The following WDR7 variants were observed in gnomAD, a reference collection of about 807,000 sequenced individuals.
The protein encoded by WDR7 is WD repeat domain 7, also known as WD repeat-containing protein 7.
WDR7 carries 46 observed loss-of-function variants against 169.4 expected under a neutral mutation model. The ratio of observed to expected loss-of-function variants is 0.27; its 90% CI spans 0.21 to 0.35. WDR7 has a LOEUF of 0.35. Ranked by LOEUF, WDR7 falls within the 10% of genes least tolerant of loss-of-function variation. The pLI is 1.00. For synonymous variants in WDR7, 612 were observed against 666.8 expected (o/e 0.92, Z 1.27); for missense variants, 1,534 against 1,859.3 (o/e 0.83, Z 3.22).
At chr18:56,691,416 T>C (rs2025567960) in intron 8 of WDR7, 55 bp downstream of exon 8, 1 of 1,515,512 alleles carries the variant, frequency 6.6e-7, no homozygotes, top group East Asian at 2.5e-5. Flanking sequence ...ATTCAGAATT[T>C]AGGGTACAAC....
chr18:56,714,444 C>CTTTTT (rs1192341254), intron 12 of WDR7, among the ~76,000 whole-genome samples: 1 of 130,280 alleles, frequency 7.7e-6, no homozygotes, highest in African/African-American at 2.9e-5. Context: ...TTGGACGAAA[C>CTTTTT]TTTTTTTTTT....
chr18:56,655,029 A>G (rs1281662381), intron 1 of WDR7, among the ~76,000 whole-genome samples: 1 of 152,054 alleles, frequency 6.6e-6, no homozygotes, highest in Non-Finnish European at 1.5e-5. Flanking sequence ...TTTTAACTCT[A>G]TGGTTTTGTA....
chr18:57,036,519 C>T, the WDR7 span: 1 of 152,444 alleles, frequency 6.6e-6, no homozygotes, highest in Non-Finnish European at 1.5e-5. Context: ...AACCACATCA[C>T]AGTCCAGCTC....
intron 26 of WDR7, among the ~76,000 whole-genome samples, chr18:56,965,321 C>T (rs549211427): frequency 6.6e-6 from 1 of 152,032 alleles, no homozygotes; most frequent in Non-Finnish European, 1.5e-5. Context: ...ATCAGAGAAC[C>T]CATGACTGAG....
Position 56,708,536 on chromosome 18 carries a change from T to C in WDR7, c.1579-9428T>C, listed in dbSNP as rs572690247. On this transcript the variant is annotated intron_variant, in intron 12 of 27. Coordinates refer to ENST00000254442, the MANE Select transcript of WDR7 (RefSeq NM_015285.3). ...TCTTTTTTCAGAAGGTCTAACTCCC[T>C]GAATGTGTGCAGCCCAAGGTTTGTG... 2.6e-5 allele frequency among the ~76,000 whole-genome samples: 4 copies of C among 152,280 alleles called. No homozygotes were observed. In the South Asian group the frequency reaches 8.3e-4, roughly 32 times the overall value.
In WDR7 at chr18:56,957,874, A is replaced by C. The variant is rs529343323; in HGVS notation, c.4065-4556A>C. ...AGGAAGTGATATACAGCAGTAACTT[A>C]ACATCCTGAGATCATTGCAAATTGC... On this transcript the variant is annotated intron_variant, in intron 25 of 27. Coordinates refer to ENST00000254442, the MANE Select transcript of WDR7 (RefSeq NM_015285.3). 2.0e-5 allele frequency among the ~76,000 whole-genome samples: 3 copies of C among 152,302 alleles called. No individual in the cohort carries two copies. In the East Asian group the frequency reaches 5.8e-4, roughly 29 times the overall value.
chr18:56,776,717 C>CT (rs1568188499), intron 16 of WDR7, 65 bp from the exon 17 acceptor site: 1 of 1,437,348 alleles, frequency 7.0e-7, no homozygotes. Context: ...TAATACTAAG[C>CT]TTTTTTTCAG....
chr18:56,666,497 C>A (rs518085), intron 1 of WDR7, among the ~76,000 whole-genome samples: 3 of 152,138 alleles, frequency 2.0e-5, no homozygotes, highest in Non-Finnish European at 2.9e-5. Context: ...CCACTGCGCC[C>A]GGCCTCATCT....
At position 56,808,937 on chromosome 18, in the gene WDR7, T is replaced by C. The variant is rs529058662; in HGVS notation, c.3191-7094T>C. ...TTCGTAATGAAGAGTTATCTAAGCG[T>C]TTAGAAATCTAGATGGCGTGAGGAT... On this transcript the variant is annotated intron_variant, in intron 19 of 27. Transcript: ENST00000254442. 2.0e-5 allele frequency among the ~76,000 whole-genome samples: 3 copies of C among 152,260 alleles called. No homozygotes were observed. The South Asian group carries it at 6.2e-4, about 32-fold the overall frequency.
At chr18:56,706,038 AGT>A (rs2025945959) in intron 12 of WDR7, among the ~76,000 whole-genome samples, 1 of 152,150 alleles carries the variant, frequency 6.6e-6, no homozygotes, top group African/African-American at 2.4e-5. Context: ...AACAGATCAG[AGT>A]GATGGTTTTG....
intron 14 of WDR7, among the ~76,000 whole-genome samples, chr18:56,735,768 A>T (rs1313379643): frequency 6.6e-6 from 1 of 152,192 alleles, no homozygotes; most frequent in Non-Finnish European, 1.5e-5. Flanking sequence ...TTTGCTTTAT[A>T]GTGTGAAAGC....
intron 26 of WDR7, among the ~76,000 whole-genome samples, chr18:56,968,671 C>T (rs983524319): frequency 6.6e-6 from 1 of 152,142 alleles, no homozygotes; most frequent in Non-Finnish European, 1.5e-5. Context: ...AATTCTGGAA[C>T]GTTAACATGT....
intron 22 of WDR7, among the ~76,000 whole-genome samples, chr18:56,926,020 GGC>G (rs1249873068): frequency 6.6e-6 from 1 of 152,172 alleles, no homozygotes; most frequent in African/African-American, 2.4e-5. Flanking sequence ...CTTCCTATGT[GGC>G]AGAAGTACTG....
chr18:56,793,239 G>C (rs2044523768), intron 19 of WDR7, among the ~76,000 whole-genome samples: 2 of 152,144 alleles, frequency 1.3e-5, no homozygotes, highest in South Asian at 4.1e-4. Flanking sequence ...ATCAGACATG[G>C]ATTGGCCAAC....
intron 1 of WDR7, among the ~76,000 whole-genome samples, chr18:56,671,125 T>A (rs2144514862): frequency 6.6e-6 from 1 of 152,294 alleles, no homozygotes; most frequent in South Asian, 2.1e-4. Flanking sequence ...CAAATTTAAA[T>A]CCCTTCACCA....
intron 13 of WDR7, among the ~76,000 whole-genome samples, chr18:56,725,452 T>G (rs1294330416): frequency 6.6e-6 from 1 of 152,156 alleles, no homozygotes; most frequent in African/African-American, 2.4e-5. Context: ...AAATGTCTTC[T>G]TTTGAGAAGT....
intron 4 of WDR7, among the ~76,000 whole-genome samples, chr18:56,682,101 CTTGTA>C (rs1295945616): frequency 3.3e-5 from 5 of 152,090 alleles, no homozygotes; most frequent in African/African-American, 1.2e-4. Context: ...GTAGGCATTT[CTTGTA>C]TTGTGTTTGA....
At chr18:56,829,211 T>C (rs1163872615) in intron 20 of WDR7, among the ~76,000 whole-genome samples, 1 of 151,194 alleles carries the variant, frequency 6.6e-6, no homozygotes, top group African/African-American at 2.4e-5. Flanking sequence ...ATCACTATGA[T>C]TGCACCACTG....
chr18:56,898,111 A>G (rs1216744260), intron 21 of WDR7, among the ~76,000 whole-genome samples: 2 of 152,032 alleles, frequency 1.3e-5, no homozygotes, highest in African/African-American at 2.4e-5. Context: ...AGGGCTTAAA[A>G]AGGATAGGGG....
Sources: gnomAD v4.1 joint callset for allele counts (sites outside exome capture counted in the v4.1 genomes callset) on GRCh38, gnomAD v4.1.1 for gene constraint, MANE v1.5 for transcripts, NCBI Gene and HGNC (gene_info 2026-07-23, HGNC 2026-07-21) for gene names.